SLC18B1: variants seen among roughly 807,000 people sequenced by gnomAD.
The protein encoded by SLC18B1 is solute carrier family 18 member B1.
A neutral mutation model predicts 53.9 loss-of-function variants in SLC18B1; 62 were observed. That is an observed-to-expected ratio of 1.15 (90% CI 0.94 to 1.42). The LOEUF (loss-of-function observed/expected upper bound fraction) is 1.42. SLC18B1 is among the 40% of genes most tolerant of loss of function. The probability of loss-of-function intolerance (pLI) is 0.00; values close to 1 mark genes in which losing one functional copy is unlikely to be tolerated. For missense variants in SLC18B1, 598 were observed against 547.3 expected (o/e 1.09, Z -0.93); for synonymous variants, 217 against 200.9 (o/e 1.08, Z -0.68).
intron 6 of SLC18B1, among the ~76,000 whole-genome samples, chr6:132,780,262 A>G (rs1781200024): frequency 6.6e-6 from 1 of 151,830 alleles, no homozygotes; most frequent in Non-Finnish European, 1.5e-5. Context: ...TACCTCACCT[A>G]GCTAATTTAA....
intron 1 of SLC18B1, among the ~76,000 whole-genome samples, chr6:132,797,415 C>G (rs563844745): frequency 6.6e-6 from 1 of 152,048 alleles, no homozygotes; most frequent in Non-Finnish European, 1.5e-5. Flanking sequence ...CTGGCTAACA[C>G]GGTGAAACCC....
At chr6:132,783,804 G>T in intron 6 of SLC18B1, 129 bp downstream of exon 6, 1 of 752,854 alleles carries the variant, frequency 1.3e-6, no homozygotes. Flanking sequence ...CTACATTACT[G>T]AAAAAAGAAT....
At position 132,773,021 on chromosome 6, in the gene SLC18B1, T is replaced by C; in HGVS notation, c.1057A>G (p.Thr353Ala). The change falls in exon 10 of 14, where the codon ACT (threonine) becomes GCT (alanine). Residue 353 changes from threonine (T) to alanine (A), a missense_variant. Coordinates refer to ENST00000275227, the MANE Select transcript of SLC18B1 (RefSeq NM_052831.3). ...GCACAACTGAGAATTTCCGGGAAAG[T>C]TGGAATTATACTCATTCCAGCAGAG... ...GLSAGMSIIP[T>A]FPEILSCAHE... is the part of the protein sequence containing the mutation. 4.3e-6 allele frequency: 7 copies of C among 1,613,712 alleles called. No individual in the cohort carries two copies. The highest frequency in any genetic ancestry group is 5.9e-6 in the Non-Finnish European group (7 of 1,179,694).
At chr6:132,784,833 G>A (rs577605942) in intron 5 of SLC18B1, among the ~76,000 whole-genome samples, 2 of 152,300 alleles carry the variant, frequency 1.3e-5, no homozygotes, top group East Asian at 1.9e-4. Flanking sequence ...CATCAACGAT[G>A]TAAGTAAACC....
At position 132,793,302 on chromosome 6, in the gene SLC18B1, G is replaced by C. The variant is rs139810899; in HGVS notation, c.184-3030C>G. 2.3e-3 allele frequency among the ~76,000 whole-genome samples: 346 copies of C among 152,242 alleles called. 1 individual carries two copies. The highest frequency in any genetic ancestry group is 7.9e-3 in the African/African-American group (327 of 41,532). Reference sequence around the variant, plus strand: ...CAGAACATGCAGGAGGAAGGGTGAGGCTTCACCAATGCATTTGTTGACCAC... The same window carrying C: ...CAGAACATGCAGGAGGAAGGGTGAGCCTTCACCAATGCATTTGTTGACCAC... On this transcript the variant is annotated intron_variant, in intron 2 of 13. Transcript: ENST00000275227.
At chr6:132,789,577 C>T (rs1049544691) in intron 4 of SLC18B1, 187 bp downstream of exon 4, 1 of 515,340 alleles carries the variant, frequency 1.9e-6, no homozygotes, top group South Asian at 2.9e-5. Flanking sequence ...CCCCGGAGGC[C>T]TGTTTCCTTA....
intron 6 of SLC18B1, among the ~76,000 whole-genome samples, chr6:132,782,497 A>T (rs1386350204): frequency 1.3e-5 from 2 of 152,078 alleles, no homozygotes; most frequent in Non-Finnish European, 2.9e-5. Flanking sequence ...AGATCTCCTG[A>T]ACTTACTGGA....
chr6:132,795,920 A>G (rs987058645), intron 2 of SLC18B1, among the ~76,000 whole-genome samples: 14 of 152,162 alleles, frequency 9.2e-5, no homozygotes, highest in Admixed American at 5.2e-4. Context: ...GGGAATATGG[A>G]GCGGGGCCGG....
intron 5 of SLC18B1, 38 bp downstream of exon 5, chr6:132,787,396 A>C (rs200406168): frequency 3.3e-6 from 5 of 1,502,150 alleles, no homozygotes; most frequent in Middle Eastern, 1.8e-4. Flanking sequence ...TTTGGCCTAC[A>C]CTCAAAGGAA....
Position 132,797,025 on chromosome 6 carries a change from G to A in SLC18B1, c.140C>T (p.Ser47Phe), listed in dbSNP as rs758150425. Reference protein sequence around the residue: ...LISAASVNLGSMMCYSILGPF... With the variant: ...LISAASVNLGFMMCYSILGPF... ...TCCAAGTATAGAATAGCACATCATGGAACCTAAGTTCACCGAAGCTGCCGA... is the reference window on the plus strand; with the variant it reads ...TCCAAGTATAGAATAGCACATCATGAAACCTAAGTTCACCGAAGCTGCCGA... The change falls in exon 2 of 14, where the codon TCC becomes TTC. Residue 47 changes from serine to phenylalanine, a missense_variant. Physicochemically the swap from Ser to Phe is radical, Grantham distance 155. Transcript: ENST00000275227. The A allele has an allele frequency of 5.6e-6, 9 of 1,614,010 alleles. No individual in the cohort carries two copies. In the African/African-American group the frequency reaches 8.0e-5, roughly 14 times the overall value.
At chr6:132,771,366 T>C (rs1780970292) in intron 11 of SLC18B1, among the ~76,000 whole-genome samples, 2 of 152,290 alleles carry the variant, frequency 1.3e-5, no homozygotes, top group Non-Finnish European at 1.5e-5. Flanking sequence ...TGATGGCTTA[T>C]ATAAAAATAA....
At chr6:132,785,995 T>C (rs73550478) in intron 5 of SLC18B1, among the ~76,000 whole-genome samples, 6,298 of 151,130 alleles carry the variant, frequency 0.042, 220 homozygotes, top group African/African-American at 0.089. Flanking sequence ...TTTAATAAAG[T>C]ATCCCTACTC....
At chr6:132,775,367 A>T (rs1298390681) in intron 8 of SLC18B1, among the ~76,000 whole-genome samples, 1 of 152,254 alleles carries the variant, frequency 6.6e-6, no homozygotes, top group Non-Finnish European at 1.5e-5. Context: ...GATTGTATCC[A>T]GTAAAATTAT....
chr6:132,785,659 G>C (rs1282629366), intron 5 of SLC18B1, among the ~76,000 whole-genome samples: 2 of 152,146 alleles, frequency 1.3e-5, no homozygotes, highest in African/African-American at 4.8e-5. Flanking sequence ...TTGCTGATCA[G>C]AAAATCCAAT....
chr6:132,796,555 G>T (rs1304663904), intron 2 of SLC18B1, among the ~76,000 whole-genome samples: 1 of 135,990 alleles, frequency 7.4e-6, no homozygotes, highest in Non-Finnish European at 1.6e-5. Flanking sequence ...AAAAAAAAAA[G>T]GAAGGGGGGT....
chr6:132,797,793 T>A (rs181383886), intron 1 of SLC18B1, among the ~76,000 whole-genome samples: 8 of 149,494 alleles, frequency 5.4e-5, no homozygotes, highest in East Asian at 1.9e-4. Flanking sequence ...ACTTTTTTTT[T>A]ACCCTAATTA....
At chr6:132,776,727 T>C (rs887009215) in intron 7 of SLC18B1, among the ~76,000 whole-genome samples, 1 of 152,238 alleles carries the variant, frequency 6.6e-6, no homozygotes, top group African/African-American at 2.4e-5. Flanking sequence ...CAAACTTCAA[T>C]GTGCATAAAA....
chr6:132,793,122 C>CAATAAATAAATAAATA (rs34648566), intron 2 of SLC18B1, among the ~76,000 whole-genome samples: 44 of 151,812 alleles, frequency 2.9e-4, no homozygotes, highest in African/African-American at 9.7e-4. Context: ...GGCTCTGTCT[C>CAATAAATAAATAAATA]AATAAATAAA....
At chr6:132,781,639 C>A (rs1333390787) in intron 6 of SLC18B1, among the ~76,000 whole-genome samples, 1 of 151,682 alleles carries the variant, frequency 6.6e-6, no homozygotes, top group Non-Finnish European at 1.5e-5. Context: ...GGCCTGTAAT[C>A]CCACCTACTC....
Sources: allele counts gnomAD v4.1 joint callset (sites outside exome capture counted in the v4.1 genomes callset), GRCh38; gene constraint gnomAD v4.1.1; transcripts MANE v1.5; gene names NCBI Gene and HGNC (gene_info 2026-07-23, HGNC 2026-07-21).